The following DCAF6 variants were observed in gnomAD, a reference collection of about 807,000 sequenced individuals.
DCAF6 encodes the protein DDB1- and CUL4-associated factor 6.
In DCAF6, 54 loss-of-function variants were observed where a neutral mutation model predicts 125.1. The ratio of observed to expected loss-of-function variants is 0.43; its 90% CI spans 0.35 to 0.54. The LOEUF is 0.54. DCAF6 is among the 20% of genes least tolerant of loss of function. The pLI is 0.01. For missense variants in DCAF6, 934 were observed against 1,161.7 expected (o/e 0.80, Z 2.85); for synonymous variants, 371 against 390.4 (o/e 0.95, Z 0.58).
chr1:168,021,862 C>T (rs1474116228), intron 11 of DCAF6, among the ~76,000 whole-genome samples: 1 of 152,166 alleles, frequency 6.6e-6, no homozygotes, highest in East Asian at 1.9e-4. Flanking sequence ...AAAATACCTA[C>T]TTTTTGGGAA....
chr1:168,053,707 G>C (rs938502882), intron 17 of DCAF6, among the ~76,000 whole-genome samples: 8 of 152,144 alleles, frequency 5.3e-5, no homozygotes, highest in African/African-American at 1.9e-4. Context: ...ACTGGGGTCT[G>C]GTCATGTAGG....
chr1:168,026,832 T>C (rs1000027657), intron 12 of DCAF6, among the ~76,000 whole-genome samples: 10 of 151,912 alleles, frequency 6.6e-5, no homozygotes, highest in Non-Finnish European at 1.5e-5. Flanking sequence ...GAAATAAAGG[T>C]AAGGAATCAT....
chr1:167,924,581 T>C, the DCAF6 span: 7 of 1,386,846 alleles, frequency 5.0e-6, no homozygotes, highest in Admixed American at 2.8e-5. Flanking sequence ...AAACCAAATA[T>C]ATTATACACG....
chr1:167,998,348 G>A (rs773748203), intron 7 of DCAF6, among the ~76,000 whole-genome samples: 3 of 152,090 alleles, frequency 2.0e-5, no homozygotes, highest in Non-Finnish European at 2.9e-5. Context: ...CTGGTGGAGG[G>A]GCTTACCTTA....
rs183959729 is a variant in DCAF6, at chr1:167,945,901, G to A, written c.98-5899G>A. ...GTGTGTAGAAACACTACTAATTTTT[G>A]TATGTTGATTTTGTATCTTGCAAGT... On this transcript the variant is annotated intron_variant, in intron 1 of 21. Transcript: ENST00000367840. Among the ~76,000 whole-genome samples, 6 of 143,492 alleles carry A rather than the reference G, an allele frequency of 4.2e-5. No individual in the cohort carries two copies. The East Asian group carries it at 8.2e-4, about 20-fold the overall frequency. 94.1% of individuals were successfully genotyped at this position (143,492 alleles called of 152,430 possible). A position where few individuals can be genotyped will look rare whatever the true frequency, so the allele number is the denominator to read the frequency against.
chr1:168,025,308 G>A (rs1009265439), intron 12 of DCAF6, among the ~76,000 whole-genome samples: 1 of 152,078 alleles, frequency 6.6e-6, no homozygotes, highest in Non-Finnish European at 1.5e-5. Context: ...GCCTGGGTAG[G>A]GTAAATGATA....
rs111499358 is a variant in DCAF6 at position 167,966,090 on chromosome 1, G to A, written c.160-539G>A. 5.7e-3 allele frequency among the ~76,000 whole-genome samples: 865 copies of A among 152,198 alleles called. 6 individuals are homozygous for A. The highest frequency in any genetic ancestry group is 0.02 in the African/African-American group (820 of 41,514). ...AAGCCAAGACTCCTTGTGTTTACCT[G>A]TTCATCTCTGCAATCTAGGGGGTAG... On this transcript the variant is annotated intron_variant, in intron 2 of 21. Transcript: ENST00000367840.
At chr1:167,908,010 C>T in the DCAF6 span, among the ~76,000 whole-genome samples, 2 of 152,062 alleles carry the variant, frequency 1.3e-5, no homozygotes, top group Non-Finnish European at 2.9e-5. Flanking sequence ...ATGCAGGTTC[C>T]TAAAAAATTA....
the DCAF6 span, among the ~76,000 whole-genome samples, chr1:167,873,535 T>C: frequency 6.6e-6 from 1 of 152,206 alleles, no homozygotes; most frequent in Non-Finnish European, 1.5e-5. Context: ...AAATTACAAG[T>C]GCTACTAGAA....
intron 16 of DCAF6, among the ~76,000 whole-genome samples, chr1:168,049,526 C>A (rs1689599660): frequency 6.7e-6 from 1 of 148,480 alleles, no homozygotes; most frequent in South Asian, 2.1e-4. Context: ...TCCCAAAGTG[C>A]TGGGGGACTA....
chr1:168,015,700 T>C (rs1048036609), intron 10 of DCAF6, 81 bp from the exon 11 acceptor site: 1 of 1,242,566 alleles, frequency 8.0e-7, no homozygotes, highest in African/African-American at 1.5e-5. Flanking sequence ...ATATCCTTCT[T>C]CTTTTTTAAT....
intron 13 of DCAF6, chr1:168,042,823 A>T (rs887615123): frequency 5.8e-5 from 26 of 446,618 alleles, no homozygotes; most frequent in Non-Finnish European, 9.7e-5. Flanking sequence ...TATATTTTTG[A>T]ATTTTTTTTC....
At chr1:167,884,055 G>A in the DCAF6 span, among the ~76,000 whole-genome samples, 1 of 152,052 alleles carries the variant, frequency 6.6e-6, no homozygotes, top group Non-Finnish European at 1.5e-5. Context: ...ATCACATCAG[G>A]GTAAATGGAT....
At chr1:167,912,753 G>A in the DCAF6 span, among the ~76,000 whole-genome samples, 1 of 152,100 alleles carries the variant, frequency 6.6e-6, no homozygotes. Flanking sequence ...TATCTAAACC[G>A]GGATGAGGAC....
At chr1:167,926,565 T>C in the DCAF6 span, among the ~76,000 whole-genome samples, 1 of 152,146 alleles carries the variant, frequency 6.6e-6, no homozygotes, top group Non-Finnish European at 1.5e-5. Flanking sequence ...CAACCAGGAG[T>C]GTCCCCCCAG....
At chr1:167,990,005 T>C (rs993629497) in intron 5 of DCAF6, among the ~76,000 whole-genome samples, 1 of 152,162 alleles carries the variant, frequency 6.6e-6, no homozygotes, top group African/African-American at 2.4e-5. Flanking sequence ...GTAATAACAT[T>C]ATAGTAAGAC....
the DCAF6 span, among the ~76,000 whole-genome samples, chr1:167,888,542 T>C: frequency 6.6e-6 from 1 of 152,202 alleles, no homozygotes; most frequent in African/African-American, 2.4e-5. Context: ...GATTACTTTC[T>C]TGATTTCTTT....
the DCAF6 span, among the ~76,000 whole-genome samples, chr1:167,911,638 C>A: frequency 7.9e-5 from 12 of 152,262 alleles, no homozygotes; most frequent in East Asian, 2.3e-3. Flanking sequence ...ATAAATGACC[C>A]CGTCTCCTTT....
chr1:167,921,383 G>T, the DCAF6 span, among the ~76,000 whole-genome samples: 179 of 152,088 alleles, frequency 1.2e-3, 1 homozygote, highest in Non-Finnish European at 1.8e-3. Flanking sequence ...CAATATGCCT[G>T]GCTAATTTTT....
Sources: gnomAD v4.1 joint callset for allele counts (sites outside exome capture counted in the v4.1 genomes callset) on GRCh38, gnomAD v4.1.1 for gene constraint, MANE v1.5 for transcripts, NCBI Gene and HGNC (gene_info 2026-07-23, HGNC 2026-07-21) for gene names.